Variants in USP34 observed in about 807,000 individuals in gnomAD.
The protein encoded by USP34 is ubiquitin specific peptidase 34.
Under a neutral mutation model 460.3 loss-of-function variants are expected in USP34, and 70 were observed. The observed-to-expected ratio is 0.15, with a 90% CI of 0.13 to 0.19. The LOEUF is 0.19. Among genes scored for constraint, USP34 ranks in the 10% least tolerant of loss-of-function variants. The pLI, the probability that USP34 is intolerant of heterozygous loss-of-function variation, is 1.00. For missense variants in USP34, 3,985 were observed against 4,236.2 expected (o/e 0.94, Z 1.65); for synonymous variants, 1,647 against 1,405.3 (o/e 1.17, Z -3.85).
chr2:61,438,475 C>T (rs1694878095), intron 1 of USP34, among the ~76,000 whole-genome samples: 1 of 152,080 alleles, frequency 6.6e-6, no homozygotes, highest in Non-Finnish European at 1.5e-5. Context: ...TAGCCACAAG[C>T]TGTAATCCTA....
chr2:61,350,852 G>C (rs573312658), intron 10 of USP34, among the ~76,000 whole-genome samples, 159 bp from the exon 11 acceptor site: 16 of 152,280 alleles, frequency 1.1e-4, no homozygotes, highest in African/African-American at 3.6e-4. Flanking sequence ...GAATGGCAGT[G>C]CATAAAACAG....
intron 8 of USP34, among the ~76,000 whole-genome samples, chr2:61,371,015 C>A (rs1189611484): frequency 6.6e-6 from 1 of 152,132 alleles, no homozygotes; most frequent in African/African-American, 2.4e-5. Context: ...CCAAGCCAAA[C>A]TGTAAGTCTC....
intron 1 of USP34, among the ~76,000 whole-genome samples, chr2:61,422,450 C>T (rs778238712): frequency 1.3e-5 from 2 of 152,152 alleles, no homozygotes; most frequent in Non-Finnish European, 2.9e-5. Context: ...TTCCATCCAA[C>T]CCAGAACCAG....
intron 12 of USP34, 119 bp from the exon 13 acceptor site, chr2:61,349,404 A>C: frequency 3.0e-6 from 3 of 997,174 alleles, no homozygotes; most frequent in Non-Finnish European, 4.4e-6. Flanking sequence ...ACCTGCAATA[A>C]GGTTAAGTCC....
chr2:61,245,944 C>T (rs1206860428), intron 50 of USP34, among the ~76,000 whole-genome samples: 1 of 152,114 alleles, frequency 6.6e-6, no homozygotes, highest in Non-Finnish European at 1.5e-5. Context: ...TGTGTGTGGT[C>T]CTCCCAATAG....
At chr2:61,392,337 C>T (rs947713441) in intron 5 of USP34, among the ~76,000 whole-genome samples, 5 of 152,000 alleles carry the variant, frequency 3.3e-5, no homozygotes, top group South Asian at 2.1e-4. Flanking sequence ...AAACAAAGGC[C>T]GGGTGCGGTG....
rs1255016394 is a variant in USP34, at chr2:61,219,574, G to A, written c.8047+736C>T. The stretch of plus-strand genomic sequence containing the variant: ...TTATCTGAGCTACTCAGGAGGCTGA[G>A]GTGAAAGAATCAGTTGAATTCAACA... On this transcript the variant is annotated intron_variant, in intron 67 of 79. Coordinates refer to ENST00000398571, the MANE Select transcript of USP34 (RefSeq NM_014709.4). Among the ~76,000 whole-genome samples the A allele has an allele frequency of 2.0e-5, 3 of 152,022 alleles. No individual in the cohort carries two copies. The South Asian group carries it at 6.2e-4, about 32-fold the overall frequency.
At chr2:61,328,639 A>G (rs1389508534) in intron 20 of USP34, among the ~76,000 whole-genome samples, 2 of 152,204 alleles carry the variant, frequency 1.3e-5, no homozygotes, top group Non-Finnish European at 2.9e-5. Flanking sequence ...TTATTCTAGT[A>G]TACCCTAAAA....
chr2:61,264,774 A>G (rs1015628754), intron 43 of USP34, among the ~76,000 whole-genome samples: 2 of 152,136 alleles, frequency 1.3e-5, no homozygotes, highest in Non-Finnish European at 2.9e-5. Flanking sequence ...CTGTAATCCC[A>G]GGACTTTGGG....
At chr2:61,264,295 T>C (rs1222653112) in intron 43 of USP34, among the ~76,000 whole-genome samples, 3 of 152,134 alleles carry the variant, frequency 2.0e-5, no homozygotes, top group Non-Finnish European at 4.4e-5. Context: ...TGAAAGTATA[T>C]AAAGCACTGC....
At chr2:61,247,960 G>A (rs1173448434) in intron 49 of USP34, among the ~76,000 whole-genome samples, 1 of 152,084 alleles carries the variant, frequency 6.6e-6, no homozygotes, top group Non-Finnish European at 1.5e-5. Flanking sequence ...GCCAATGCAG[G>A]TGGATTGCCT....
chr2:61,275,629 T>A lies in USP34; in HGVS notation c.5433+2536A>T, dbSNP rs527412336. On this transcript the variant is annotated intron_variant, in intron 41 of 79. Transcript: ENST00000398571. ...GGAGACCCTGTCCCTTTTTTTTTTT[T>A]AAATGAACTGTTTATATACTGAATT... Among the ~76,000 whole-genome samples, 57 of 145,180 alleles carry A rather than the reference T, an allele frequency of 3.9e-4. No homozygotes were observed. The East Asian group carries it at 4.7e-3, about 12-fold the overall frequency.
intron 41 of USP34, among the ~76,000 whole-genome samples, chr2:61,272,701 A>C (rs529391378): frequency 4.6e-5 from 7 of 152,302 alleles, no homozygotes; most frequent in South Asian, 2.1e-4. Flanking sequence ...AAGCTTCTAA[A>C]GTTTTCCCTT....
intron 10 of USP34, among the ~76,000 whole-genome samples, chr2:61,351,370 T>C (rs1691937735): frequency 6.6e-6 from 1 of 152,116 alleles, no homozygotes; most frequent in South Asian, 2.1e-4. Context: ...AACCATGAGA[T>C]ACAAAGACTT....
rs1386689790 is a variant in USP34, at chr2:61,367,930, A to G, written c.1251+2391T>C. Among the ~76,000 whole-genome samples the G allele has an allele frequency of 2.0e-5, 3 of 152,356 alleles. No individual in the cohort carries two copies. In the East Asian group the frequency reaches 5.8e-4, roughly 29 times the overall value. On this transcript the variant is annotated intron_variant, in intron 10 of 79. Coordinates refer to ENST00000398571, the MANE Select transcript of USP34 (RefSeq NM_014709.4). The stretch of plus-strand genomic sequence containing the variant: ...TAAATAAGACAGAAAAGTTATAACA[A>G]TAATGAGGAAGGACTAGTCGTCTCA...
At chr2:61,353,918 T>A (rs2103793987) in intron 10 of USP34, among the ~76,000 whole-genome samples, 1 of 151,978 alleles carries the variant, frequency 6.6e-6, no homozygotes, top group Non-Finnish European at 1.5e-5. Flanking sequence ...CAAAGGCAGC[T>A]CTGAGCAAGC....
In USP34 at chr2:61,331,148, AT is replaced by A. The variant is rs1691248750; in HGVS notation, c.2930+127del. The A allele has an allele frequency of 6.2e-6, 5 of 810,750 alleles. 1 individual carries two copies. The highest frequency in any genetic ancestry group is 9.4e-6 in the Non-Finnish European group (5 of 533,206). 50.2% of individuals were successfully genotyped at this position (810,750 alleles called of 1,614,324 possible). ...AAAAAGTTCTAGCAGCCTTTTCATA[AT>A]TTTATACAAATAAAGTTTTCTGTTA... On this transcript the variant is annotated intron_variant, in intron 20 of 79. Coordinates refer to ENST00000398571, the MANE Select transcript of USP34 (RefSeq NM_014709.4).
At chr2:61,212,185 C>G (rs1315259452) in intron 68 of USP34, among the ~76,000 whole-genome samples, 1 of 152,066 alleles carries the variant, frequency 6.6e-6, no homozygotes, top group African/African-American at 2.4e-5. Context: ...CCAGCCAGGG[C>G]AACATGATGA....
chr2:61,339,732 G>T, intron 16 of USP34, 51 bp from the exon 17 acceptor site: 1 of 984,626 alleles, frequency 1.0e-6, no homozygotes, highest in Non-Finnish European at 1.4e-6. Flanking sequence ...GCAGCTGACT[G>T]ATTATAGCAT....
Sources: gnomAD v4.1 joint callset for allele counts (sites outside exome capture counted in the v4.1 genomes callset) on GRCh38, gnomAD v4.1.1 for gene constraint, MANE v1.5 for transcripts, NCBI Gene and HGNC (gene_info 2026-07-23, HGNC 2026-07-21) for gene names.